RGS6: variants seen among roughly 807,000 people sequenced by gnomAD.
RGS6 encodes the protein regulator of G-protein signaling 6.
RGS6 carries 30 observed loss-of-function variants against 78.5 expected under a neutral mutation model. The observed-to-expected ratio is 0.38, with a 90% CI of 0.29 to 0.52. The LOEUF (loss-of-function observed/expected upper bound fraction) is 0.52. Ranked by LOEUF, RGS6 falls within the 20% of genes least tolerant of loss-of-function variation. RGS6 has a pLI of 0.85. For missense variants in RGS6, 495 were observed against 609.7 expected, an observed-to-expected ratio of 0.81 and a Z score of 1.98; for synonymous variants, 206 against 206.0, an observed-to-expected ratio of 1.00 and a Z score of 0.00.
At chr14:72,311,648 C>G (rs1425408006) in intron 2 of RGS6, among the ~76,000 whole-genome samples, 2 of 152,200 alleles carry the variant, frequency 1.3e-5, no homozygotes, top group Non-Finnish European at 2.9e-5. Context: ...TCTCTTTCCT[C>G]TTCCTCTTTG....
chr14:72,260,257 T>C (rs1252372618), intron 2 of RGS6, among the ~76,000 whole-genome samples: 3 of 152,168 alleles, frequency 2.0e-5, no homozygotes, highest in Non-Finnish European at 4.4e-5. Context: ...TCTAGACTTG[T>C]TGAGTTTGGT....
At chr14:72,576,828 C>A in the RGS6 span, among the ~76,000 whole-genome samples, 11 of 152,150 alleles carry the variant, frequency 7.2e-5, no homozygotes, top group African/African-American at 2.7e-4. Flanking sequence ...CAGAGGAGAT[C>A]CAAAATATTA....
intron 3 of RGS6, among the ~76,000 whole-genome samples, chr14:72,371,748 T>G (rs1023645750): frequency 1.3e-5 from 2 of 151,906 alleles, no homozygotes; most frequent in Non-Finnish European, 2.9e-5. Context: ...GCAACAAGAG[T>G]GAAACTCCAT....
the RGS6 span, among the ~76,000 whole-genome samples, chr14:71,890,846 A>T: frequency 2.0e-5 from 3 of 152,226 alleles, no homozygotes; most frequent in Non-Finnish European, 1.5e-5. Flanking sequence ...TCAGCTTGGG[A>T]TTAAAAACAG....
At chr14:72,216,883 T>C (rs977054597) in intron 2 of RGS6, among the ~76,000 whole-genome samples, 5 of 152,174 alleles carry the variant, frequency 3.3e-5, no homozygotes, top group African/African-American at 1.2e-4. Flanking sequence ...GATGAGAATA[T>C]ATTTGGTTTT....
At chr14:72,354,666 C>T (rs1208324781) in intron 3 of RGS6, among the ~76,000 whole-genome samples, 1 of 151,850 alleles carries the variant, frequency 6.6e-6, no homozygotes, top group Admixed American at 6.6e-5. Context: ...TCTGGCCTCT[C>T]TGTAAAGGGT....
intron 2 of RGS6, among the ~76,000 whole-genome samples, chr14:72,242,907 G>T (rs1381244913): frequency 7.4e-6 from 1 of 134,964 alleles, no homozygotes; most frequent in Non-Finnish European, 1.5e-5. Flanking sequence ...GGAGTGCAGT[G>T]GTGCAATCTC....
chr14:72,405,421 T>C (rs1376519321), intron 3 of RGS6, among the ~76,000 whole-genome samples: 1 of 152,206 alleles, frequency 6.6e-6, no homozygotes, highest in Non-Finnish European at 1.5e-5. Context: ...TTTAAACTTC[T>C]GAAAGGACAT....
At chr14:72,451,934 T>C (rs2095504865) in intron 3 of RGS6, among the ~76,000 whole-genome samples, 1 of 152,042 alleles carries the variant, frequency 6.6e-6, no homozygotes, top group African/African-American at 2.4e-5. Context: ...TGTATTTTAA[T>C]AGAGACGGGG....
At chr14:72,302,071 C>T (rs549401485) in intron 2 of RGS6, among the ~76,000 whole-genome samples, 1 of 152,306 alleles carries the variant, frequency 6.6e-6, no homozygotes, top group African/African-American at 2.4e-5. Context: ...TTGTTCTAAG[C>T]ATCTGTGTGA....
At position 72,126,282 on chromosome 14, in the gene RGS6, C is replaced by T. The variant is rs571147143; in HGVS notation, c.84+161407C>T. ...AGGGTAGCCTTTGGGGATTGGCCAA[C>T]CAGCTAGCAGGGACCTCTGCTGTGA... On this transcript the variant is annotated intron_variant, in intron 2 of 17. Coordinates refer to ENST00000553525, the MANE Select transcript of RGS6 (RefSeq NM_001204424.2). Among the ~76,000 whole-genome samples the T allele has an allele frequency of 2.6e-5, 4 of 152,356 alleles. No individual in the cohort carries two copies. The South Asian group carries it at 8.3e-4, about 32-fold the overall frequency.
intron 2 of RGS6, among the ~76,000 whole-genome samples, chr14:72,120,237 CT>C (rs1208818792): frequency 6.6e-6 from 1 of 152,188 alleles, no homozygotes; most frequent in Non-Finnish European, 1.5e-5. Flanking sequence ...AAAAGGAGCA[CT>C]AGAGATTATC....
chr14:72,416,274 C>T (rs1212631868), intron 3 of RGS6, among the ~76,000 whole-genome samples: 3 of 152,146 alleles, frequency 2.0e-5, no homozygotes, highest in East Asian at 1.9e-4. Flanking sequence ...TACACAATTT[C>T]AAGGAACATT....
intron 2 of RGS6, among the ~76,000 whole-genome samples, chr14:71,991,166 C>G (rs187685259): frequency 6.6e-6 from 1 of 152,360 alleles, no homozygotes; most frequent in East Asian, 1.9e-4. Context: ...ATGAGATTCT[C>G]TGCCACATAG....
intron 3 of RGS6, among the ~76,000 whole-genome samples, chr14:72,396,303 T>C (rs2091253733): frequency 6.6e-6 from 1 of 152,242 alleles, no homozygotes; most frequent in Non-Finnish European, 1.5e-5. Context: ...ATGAGCATTT[T>C]TCCCATGTGT....
At chr14:71,979,184 A>G (rs1220196236) in intron 2 of RGS6, among the ~76,000 whole-genome samples, 2,909 of 145,440 alleles carry the variant, frequency 0.02, 88 homozygotes, top group African/African-American at 0.069. Context: ...CTAGCGGTCT[A>G]TCTATTTTGT....
chr14:71,952,083 T>C (rs955901418), intron 1 of RGS6, among the ~76,000 whole-genome samples: 4 of 152,198 alleles, frequency 2.6e-5, no homozygotes, highest in African/African-American at 9.6e-5. Flanking sequence ...TTATTACTTT[T>C]ACCTTTCTAA....
chr14:72,430,516 T>G (rs909329081), intron 3 of RGS6, among the ~76,000 whole-genome samples: 1 of 152,176 alleles, frequency 6.6e-6, no homozygotes, highest in African/African-American at 2.4e-5. Flanking sequence ...ACGTTCACCT[T>G]TGTTGGCTGC....
intron 2 of RGS6, among the ~76,000 whole-genome samples, chr14:72,054,544 G>A (rs937877244): frequency 1.3e-5 from 2 of 152,064 alleles, no homozygotes; most frequent in Admixed American, 1.3e-4. Context: ...TTTACTGATG[G>A]AAATTTCTTT....
Sources: gnomAD v4.1 joint callset for allele counts (sites outside exome capture counted in the v4.1 genomes callset) on GRCh38, gnomAD v4.1.1 for gene constraint, MANE v1.5 for transcripts, NCBI Gene and HGNC (gene_info 2026-07-23, HGNC 2026-07-21) for gene names.